Variants in ADGRD1 observed in about 807,000 individuals in gnomAD.
ADGRD1 encodes the protein adhesion G protein-coupled receptor D1.
ADGRD1 carries 77 observed loss-of-function variants against 113.4 expected under a neutral mutation model. That is an observed-to-expected ratio of 0.68 (90% CI 0.57 to 0.82). The LOEUF (loss-of-function observed/expected upper bound fraction) is 0.82. Among genes scored for constraint, ADGRD1 ranks in the 40% least tolerant of loss-of-function variants. ADGRD1 has a pLI of 0.00. For missense variants in ADGRD1, 1,036 were observed against 1,139.1 expected, an observed-to-expected ratio of 0.91 and a Z score of 1.30; for synonymous variants, 474 against 475.0, an observed-to-expected ratio of 1.00 and a Z score of 0.03.
In ADGRD1 at chr12:130,984,328, C is replaced by T. The variant is rs781183212; in HGVS notation, c.490+2265C>T. 1.4e-4 allele frequency among the ~76,000 whole-genome samples: 21 copies of T among 152,224 alleles called. No homozygotes were observed. In the South Asian group the frequency reaches 2.9e-3, roughly 21 times the overall value. On this transcript the variant is annotated intron_variant, in intron 5 of 24. Transcript: ENST00000261654. The surrounding 1 kb of genome is among the most constrained non-coding windows in gnomAD (Gnocchi z 4.1). ...GAGTAGGGGCCACCTCGTGATGGGGCAGCCGCCCTTCCACGCACTGCAGTC... is the reference window on the plus strand; with the variant it reads ...GAGTAGGGGCCACCTCGTGATGGGGTAGCCGCCCTTCCACGCACTGCAGTC...
intron 14 of ADGRD1, among the ~76,000 whole-genome samples, chr12:131,077,299 C>T (rs1037522251): frequency 6.6e-6 from 1 of 152,178 alleles, no homozygotes; most frequent in African/African-American, 2.4e-5. Flanking sequence ...TGAAACCTTG[C>T]CGGCTCCACT....
Position 131,052,270 on chromosome 12 carries a change from C to T in ADGRD1, c.1474-24531C>T, listed in dbSNP as rs533164010. 1.6e-4 allele frequency among the ~76,000 whole-genome samples: 25 copies of T among 152,304 alleles called. No homozygotes were observed. The South Asian group carries it at 2.1e-3, about 13-fold the overall frequency. ...TTCTCTGAGATGAGAACCCCTGCAC[C>T]GAGTCCCACCCTGGTCAGGGCCGTG... On this transcript the variant is annotated intron_variant, in intron 13 of 24. Coordinates refer to ENST00000261654, the MANE Select transcript of ADGRD1 (RefSeq NM_198827.5).
chr12:130,979,386 A>T (rs993110801), intron 4 of ADGRD1, among the ~76,000 whole-genome samples: 1 of 152,140 alleles, frequency 6.6e-6, no homozygotes, highest in Non-Finnish European at 1.5e-5. Flanking sequence ...AGGGCTTTGA[A>T]CTCACAAAGG....
chr12:131,050,302 G>T lies in ADGRD1; in HGVS notation c.1474-26499G>T, dbSNP rs1337960887. Among the ~76,000 whole-genome samples, 3 of 152,146 alleles carry T rather than the reference G, an allele frequency of 2.0e-5. No homozygotes were observed. The highest frequency in any genetic ancestry group is 2.9e-5 in the Non-Finnish European group (2 of 68,028). ...GCCAGGAAGTGCTGTTAGTTGGGCA[G>T]GCCAAGTACTCTGGAGTTGCTGGAA... On this transcript the variant is annotated intron_variant, in intron 13 of 24. Coordinates refer to ENST00000261654, the MANE Select transcript of ADGRD1 (RefSeq NM_198827.5). This position sits in a 1 kb window ranked among gnomAD's most constrained non-coding sequence, Gnocchi z 4.8.
Position 131,003,500 on chromosome 12 carries a change from G to T in ADGRD1, c.1144+198G>T, listed in dbSNP as rs764482456. On this transcript the variant is annotated intron_variant, in intron 10 of 24. Transcript: ENST00000261654. The surrounding 1 kb of genome is among the most constrained non-coding windows in gnomAD (Gnocchi z 4.8). ...TGTTCGGCCATGATATGCAGATGGG[G>T]CCCATAAGCTTTTCCCAGTGACTTG... 6.6e-6 allele frequency among the ~76,000 whole-genome samples: 1 copy of T among 152,212 alleles called. No individual in the cohort carries two copies. Among genetic ancestry groups the T allele is most frequent in the Non-Finnish European group, 1.5e-5 (1 of 68,036 alleles).
intron 13 of ADGRD1, chr12:131,024,403 C>T: frequency 6.6e-6 from 1 of 152,372 alleles, no homozygotes; most frequent in Non-Finnish European, 1.5e-5. Context: ...GTGGCTGGTG[C>T]TGCAGCAGAC....
intron 20 of ADGRD1, among the ~76,000 whole-genome samples, chr12:131,126,443 T>C (rs149036381): frequency 1.2e-4 from 18 of 152,370 alleles, no homozygotes; most frequent in African/African-American, 3.8e-4. Context: ...TATTCTGTTA[T>C]AGTAGCAGAA....
chr12:131,107,257 C>A (rs867674753), intron 17 of ADGRD1, among the ~76,000 whole-genome samples: 79 of 147,432 alleles, frequency 5.4e-4, no homozygotes, highest in South Asian at 2.2e-3. Flanking sequence ...CAGGGAAGGG[C>A]TCTGATGGGT....
At chr12:131,032,664 A>G (rs541627985) in intron 13 of ADGRD1, among the ~76,000 whole-genome samples, 6 of 152,038 alleles carry the variant, frequency 3.9e-5, no homozygotes, top group African/African-American at 7.2e-5. Context: ...TAGAGAAATC[A>G]CCACCCCGTC....
chr12:131,132,936 C>T (rs886724285), intron 21 of ADGRD1, among the ~76,000 whole-genome samples: 1 of 152,170 alleles, frequency 6.6e-6, no homozygotes, highest in Non-Finnish European at 1.5e-5. Context: ...ATGTCAGCAG[C>T]GAATCTATGA....
chr12:130,986,379 T>C (rs1873681881), intron 5 of ADGRD1, among the ~76,000 whole-genome samples: 1 of 152,190 alleles, frequency 6.6e-6, no homozygotes, highest in Non-Finnish European at 1.5e-5. Context: ...ATTGTTATAA[T>C]ATATGTATTT....
rs1002706272 is a variant in ADGRD1, at chr12:131,118,071, GCTTAC to G, written c.2042-310_2042-306del. Reference sequence around the variant, plus strand: ...CACAGGTCTAGATAGACCAAGCTGAGCTTACCTTCCTGCCAGTCACAATGCCACAT... The same window carrying G: ...CACAGGTCTAGATAGACCAAGCTGAGCTTCCTGCCAGTCACAATGCCACAT... On this transcript the variant is annotated intron_variant, in intron 18 of 24. Coordinates refer to ENST00000261654, the MANE Select transcript of ADGRD1 (RefSeq NM_198827.5). 4.6e-5 allele frequency among the ~76,000 whole-genome samples: 7 copies of G among 152,236 alleles called. 1 individual carries two copies. The highest frequency in any genetic ancestry group is 4.6e-4 in the Admixed American group (7 of 15,292).
chr12:130,981,536 G>A lies in ADGRD1; in HGVS notation c.311-348G>A, dbSNP rs141007347. Among the ~76,000 whole-genome samples the A allele has an allele frequency of 9.9e-4, 151 of 152,248 alleles. 3 individuals carry two copies. In the East Asian group the frequency reaches 0.028, roughly 28 times the overall value. ...ACATTTGCATGATCCCGGGGAGTGGGGGCGGGGAACTGCCTGGGGCTGCAG... is the reference window on the plus strand; with the variant it reads ...ACATTTGCATGATCCCGGGGAGTGGAGGCGGGGAACTGCCTGGGGCTGCAG... On this transcript the variant is annotated intron_variant, in intron 4 of 24. Coordinates refer to ENST00000261654, the MANE Select transcript of ADGRD1 (RefSeq NM_198827.5).
At chr12:130,990,868 T>C in intron 6 of ADGRD1, 146 bp from the exon 7 acceptor site, 1 of 595,244 alleles carries the variant, frequency 1.7e-6, no homozygotes, top group Non-Finnish European at 3.0e-6. Context: ...AGCCCATAAT[T>C]TATCTCCAGC....
At chr12:131,009,164 C>A (rs12818376) in intron 12 of ADGRD1, among the ~76,000 whole-genome samples, 12,675 of 152,286 alleles carry the variant, frequency 0.083, 657 homozygotes, top group Middle Eastern at 0.13. Flanking sequence ...CAACGTGGGA[C>A]ACGTTGTGGG....
At chr12:131,032,451 G>A (rs1046383074) in intron 13 of ADGRD1, among the ~76,000 whole-genome samples, 7 of 151,160 alleles carry the variant, frequency 4.6e-5, no homozygotes, top group Admixed American at 6.6e-5. Context: ...CCGCTGACAC[G>A]TCCCCCACCG....
chr12:131,022,092 C>G lies in ADGRD1; in HGVS notation c.1473+7752C>G, dbSNP rs1368065774. On this transcript the variant is annotated intron_variant, in intron 13 of 24. Transcript: ENST00000261654. The surrounding 1 kb of genome is among the most constrained non-coding windows in gnomAD (Gnocchi z 4.6). ...TATCTTAATCACCCCTTCAAAGACC[C>G]TGACTCCAAACACTGTCACATTCTG... 6.6e-6 allele frequency among the ~76,000 whole-genome samples: 1 copy of G among 152,116 alleles called. No individual in the cohort carries two copies. Among genetic ancestry groups the G allele is most frequent in the East Asian group, 1.9e-4 (1 of 5,182 alleles).
Position 131,060,563 on chromosome 12 carries a change from G to T in ADGRD1, c.1474-16238G>T, listed in dbSNP as rs1372698364. Among the ~76,000 whole-genome samples, 2 of 152,286 alleles carry T rather than the reference G, an allele frequency of 1.3e-5. No homozygotes were observed. Among genetic ancestry groups the T allele is most frequent in the Non-Finnish European group, 2.9e-5 (2 of 68,028 alleles). The stretch of plus-strand genomic sequence containing the variant: ...GGTGACAGAGGCCGTGGCCAAGGGG[G>T]CCTTACGGACACCAGCAGCCTCTCC... On this transcript the variant is annotated intron_variant, in intron 13 of 24. Coordinates refer to ENST00000261654, the MANE Select transcript of ADGRD1 (RefSeq NM_198827.5). The surrounding 1 kb of genome is among the most constrained non-coding windows in gnomAD (Gnocchi z 4.4).
chr12:131,133,667 C>T (rs969640288), intron 21 of ADGRD1, among the ~76,000 whole-genome samples: 8 of 152,200 alleles, frequency 5.3e-5, no homozygotes, highest in South Asian at 2.1e-4. Flanking sequence ...AGCACATTTC[C>T]CAATGCCTTC....
Sources: gnomAD v4.1 joint callset for allele counts (sites outside exome capture counted in the v4.1 genomes callset) on GRCh38, gnomAD v4.1.1 for gene constraint, Gnocchi (gnomAD v3.1) non-coding constraint, MANE v1.5 for transcripts, NCBI Gene and HGNC (gene_info 2026-07-23, HGNC 2026-07-21) for gene names.